ABCA9: variants seen among roughly 807,000 people sequenced by gnomAD.
ABCA9 encodes ATP-binding cassette sub-family A member 9.
In ABCA9, 183 loss-of-function variants were observed where a neutral mutation model predicts 205.3. That is an observed-to-expected ratio of 0.89 (90% CI 0.79 to 1.01). ABCA9 has a LOEUF of 1.01. Ranked by LOEUF, ABCA9 falls within the 50% of genes least tolerant of loss-of-function variation. The probability of loss-of-function intolerance (pLI) is 0.00; values close to 1 mark genes in which losing one functional copy is unlikely to be tolerated. For missense variants in ABCA9, 1,805 were observed against 1,912.4 expected (o/e 0.94, Z 1.05); for synonymous variants, 651 against 683.3 (o/e 0.95, Z 0.74).
rs542682069 is a variant in ABCA9, at chr17:69,046,429, T to G, written c.305-1093A>C. Among the ~76,000 whole-genome samples, 4 of 152,310 alleles carry G rather than the reference T, an allele frequency of 2.6e-5. No homozygotes were observed. The South Asian group carries it at 8.3e-4, about 32-fold the overall frequency. ...CCAGCCGATAGGTGTTGATGTGTTG[T>G]TTTATGAGAGGCTTATAATTTCTAG... is the stretch of plus-strand genomic sequence containing the variant. On this transcript the variant is annotated intron_variant, in intron 3 of 38. Coordinates refer to ENST00000340001, the MANE Select transcript of ABCA9 (RefSeq NM_080283.4).
intron 25 of ABCA9, among the ~76,000 whole-genome samples, chr17:68,997,456 T>G (rs1365274583): frequency 6.6e-6 from 1 of 152,118 alleles, no homozygotes; most frequent in Non-Finnish European, 1.5e-5. Context: ...TCCTAAATGT[T>G]TAAGTGAATT....
Position 69,008,266 on chromosome 17 carries a change from G to T in ABCA9, c.3148-31C>A, listed in dbSNP as rs768386337. On this transcript the variant is annotated intron_variant, in intron 23 of 38. Coordinates refer to ENST00000340001, the MANE Select transcript of ABCA9 (RefSeq NM_080283.4). ...AAAGAAATAGAAGAATCATCAAAAG[G>T]TTCTGAAGAGCTGAAGTTTGGGAAA... 31 of 1,592,578 alleles carry T rather than the reference G, an allele frequency of 1.9e-5. 1 individual carries two copies. Among genetic ancestry groups the T allele is most frequent in the African/African-American group, 1.2e-4 (9 of 73,628 alleles).
At chr17:68,990,478 C>G (rs1000485118) in intron 29 of ABCA9, among the ~76,000 whole-genome samples, 1 of 152,196 alleles carries the variant, frequency 6.6e-6, no homozygotes, top group African/African-American at 2.4e-5. Flanking sequence ...AACTCTCAGG[C>G]TCAAGTGAGC....
chr17:69,026,500 G>A, intron 15 of ABCA9, 33 bp from the exon 16 acceptor site: 3 of 1,532,014 alleles, frequency 2.0e-6, no homozygotes, highest in East Asian at 2.2e-5. Context: ...TAAGTTACAT[G>A]AAGGACTTAT....
rs201012506 is a variant in ABCA9, at chr17:69,049,400, T to C, written c.187A>G (p.Met63Val). The C allele has an allele frequency of 6.4e-5, 103 of 1,612,816 alleles. No homozygotes were observed. The highest frequency in any genetic ancestry group is 1.0e-5 in the Non-Finnish European group (12 of 1,179,192). The change falls in exon 3 of 39, where the codon ATG becomes GTG. Residue 63 changes from methionine to valine, a missense_variant. Coordinates refer to ENST00000340001, the MANE Select transcript of ABCA9 (RefSeq NM_080283.4). The stretch of plus-strand genomic sequence containing the variant: ...AAACTATCTACACGTCCCAGATCCA[T>C]TGAAGACATTTGAGGAGTGTCATGA... ...QVHDTPQMSSMDLGRVDSFND... is the reference protein window; with the variant it reads ...QVHDTPQMSSVDLGRVDSFND...
chr17:68,990,508 A>C (rs891489360), intron 29 of ABCA9, among the ~76,000 whole-genome samples: 25 of 152,214 alleles, frequency 1.6e-4, no homozygotes, highest in East Asian at 7.7e-4. Flanking sequence ...CAGCCTTCTG[A>C]GTAGCTAGGA....
the ABCA9 span, among the ~76,000 whole-genome samples, chr17:69,074,531 G>GA: frequency 6.6e-6 from 1 of 152,176 alleles, no homozygotes; most frequent in Non-Finnish European, 1.5e-5. Flanking sequence ...ACTACGATTA[G>GA]AATAATGGCT....
intron 23 of ABCA9, among the ~76,000 whole-genome samples, chr17:69,009,277 T>C (rs2070282284): frequency 6.6e-6 from 1 of 152,136 alleles, no homozygotes; most frequent in African/African-American, 2.4e-5. Context: ...GAATTGTAAC[T>C]CGGGGGTCAG....
rs145763816 is a variant in ABCA9 at position 69,020,676 on chromosome 17, A to G, written c.2402-90T>C. ...TGATAAATTTTCCTACAAAGGTGTC[A>G]AAGTTACCCTCTTGGGCCAAGATAC... On this transcript the variant is annotated intron_variant, in intron 18 of 38. Coordinates refer to ENST00000340001, the MANE Select transcript of ABCA9 (RefSeq NM_080283.4). 3,041 of 1,188,480 alleles carry G rather than the reference A, an allele frequency of 2.6e-3. 54 individuals carry two copies. Among genetic ancestry groups the G allele is most frequent in the East Asian group, 2.1e-3 (86 of 40,604 alleles). 73.6% of individuals were successfully genotyped at this position (1,188,480 alleles called of 1,614,324 possible).
At chr17:69,006,110 T>C (rs1477885315) in intron 25 of ABCA9, among the ~76,000 whole-genome samples, 1 of 152,248 alleles carries the variant, frequency 6.6e-6, no homozygotes, top group Non-Finnish European at 1.5e-5. Context: ...TTCTAATTTG[T>C]ATTTACTCAT....
At chr17:68,997,485 C>A (rs1445252728) in intron 25 of ABCA9, among the ~76,000 whole-genome samples, 2 of 151,426 alleles carry the variant, frequency 1.3e-5, no homozygotes, top group Non-Finnish European at 2.9e-5. Context: ...CTTATCAGTG[C>A]TTTTGCAATT....
At chr17:68,982,752 C>T (rs529522107) in intron 36 of ABCA9, 111 bp from the exon 37 acceptor site, 20 of 787,872 alleles carry the variant, frequency 2.5e-5, no homozygotes, top group Non-Finnish European at 4.0e-5. Flanking sequence ...TGCCTGTAAC[C>T]ACTGCAATTT....
chr17:68,982,333 C>G (rs1415098183), intron 37 of ABCA9, among the ~76,000 whole-genome samples: 1 of 152,196 alleles, frequency 6.6e-6, no homozygotes, highest in Non-Finnish European at 1.5e-5. Flanking sequence ...CCTCCACCCA[C>G]TAGAAACCAC....
At chr17:69,039,031 G>A (rs2071442211) in intron 6 of ABCA9, among the ~76,000 whole-genome samples, 1 of 152,076 alleles carries the variant, frequency 6.6e-6, no homozygotes, top group South Asian at 2.1e-4. Flanking sequence ...TCTTCAAGGA[G>A]AACTACAAAT....
intron 25 of ABCA9, 60 bp downstream of exon 25, chr17:69,007,699 T>TAAAC: frequency 8.9e-7 from 1 of 1,123,212 alleles, no homozygotes; most frequent in Non-Finnish European, 1.3e-6. Context: ...GCACAAAGAT[T>TAAAC]AAACATGTTC....
intron 10 of ABCA9, among the ~76,000 whole-genome samples, chr17:69,031,805 A>C (rs1273272302): frequency 6.6e-6 from 1 of 152,252 alleles, no homozygotes; most frequent in Non-Finnish European, 1.5e-5. Context: ...CAAAGAGAAC[A>C]ACTCAGGGGA....
the ABCA9 span, among the ~76,000 whole-genome samples, chr17:69,073,018 G>A: frequency 1.3e-5 from 2 of 152,134 alleles, no homozygotes; most frequent in Admixed American, 6.5e-5. Context: ...ATTACATAAT[G>A]GTAAAGGGAT....
intron 6 of ABCA9, among the ~76,000 whole-genome samples, chr17:69,040,286 G>A (rs778745674): frequency 2.0e-4 from 31 of 152,140 alleles, no homozygotes; most frequent in Admixed American, 1.4e-3. Flanking sequence ...ATTCACAATG[G>A]CAAAGACTTG....
chr17:68,989,834 C>CA lies in ABCA9; in HGVS notation c.3933dup (p.Val1312CysfsTer6), dbSNP rs1567918937. 2 of 1,601,078 alleles carry CA rather than the reference C, an allele frequency of 1.2e-6. No homozygotes were observed. The highest frequency in any genetic ancestry group is 2.7e-5 in the African/African-American group (2 of 74,878). On this transcript the variant is annotated frameshift_variant, in exon 30 of 39. Transcript: ENST00000340001. LOFTEE classifies it high-confidence loss of function. Reference sequence around the variant, plus strand: ...CAACCTTTTTTAACACAAAAAGAGACATTTCTTGTGGCAATTTTTTTCTTC... The same window carrying CA: ...CAACCTTTTTTAACACAAAAAGAGACAATTTCTTGTGGCAATTTTTTTCTTC...
Sources: gnomAD v4.1 joint callset for allele counts (sites outside exome capture counted in the v4.1 genomes callset) on GRCh38, gnomAD v4.1.1 for gene constraint, MANE v1.5 for transcripts, NCBI Gene and HGNC (gene_info 2026-07-23, HGNC 2026-07-21) for gene names.